The following ABL1 variants were observed in gnomAD, a reference collection of about 807,000 sequenced individuals.
The protein encoded by ABL1 is ABL proto-oncogene 1, non-receptor tyrosine kinase.
In ABL1, 11 loss-of-function variants were observed where a neutral mutation model predicts 94.7. The observed-to-expected ratio is 0.12, with a 90% confidence interval of 0.07 to 0.19. ABL1 has a LOEUF of 0.19. Among genes scored for constraint, ABL1 ranks in the 10% least tolerant of loss-of-function variants. The pLI is 1.00. For synonymous variants in ABL1, 656 were observed against 622.4 expected, an observed-to-expected ratio of 1.05 and a Z score of -0.80; for missense variants, 1,082 against 1,489.4, an observed-to-expected ratio of 0.73 and a Z score of 4.50.
chr9:130,714,219 C>G, exon 1 of ABL1: 1 of 1,202,334 alleles, frequency 8.3e-7, no homozygotes, highest in Non-Finnish European at 1.1e-6. Flanking sequence ...GGAGATGCAG[C>G]GAATGTGAAA....
intron 1 of ABL1, among the ~76,000 whole-genome samples, chr9:130,775,609 T>C (rs183127449): frequency 1.3e-5 from 2 of 152,036 alleles, no homozygotes; most frequent in Admixed American, 1.3e-4. Context: ...AATATAAGCC[T>C]ATAAGGAGAG....
chr9:130,773,115 G>T (rs1421197913), intron 1 of ABL1, among the ~76,000 whole-genome samples: 1 of 152,188 alleles, frequency 6.6e-6, no homozygotes, highest in Non-Finnish European at 1.5e-5. Flanking sequence ...GAGGTCAGGA[G>T]TTCAAGACCA....
chr9:130,811,618 T>C (rs1212814891), intron 1 of ABL1, among the ~76,000 whole-genome samples: 1 of 152,106 alleles, frequency 6.6e-6, no homozygotes, highest in Non-Finnish European at 1.5e-5. Flanking sequence ...AGCAGAGTTA[T>C]AGCTAATGAG....
At chr9:130,847,546 AAGCAAGT>A (rs1315381937) in intron 1 of ABL1, among the ~76,000 whole-genome samples, 1 of 152,242 alleles carries the variant, frequency 6.6e-6, no homozygotes, top group African/African-American at 2.4e-5. Flanking sequence ...CTATGAAATG[AAGCAAGT>A]AACTTGGCAT....
At position 130,884,461 on chromosome 9, in the gene ABL1, A is replaced by G. The variant is rs1435318617; in HGVS notation, c.2171A>G (p.His724Arg). 6.2e-7 allele frequency: 1 copy of G among 1,612,890 alleles called. No individual in the cohort carries two copies. The highest frequency in any genetic ancestry group is 8.5e-7 in the Non-Finnish European group (1 of 1,179,970). The change falls in exon 11 of 11, where the codon CAT becomes CGT. Residue 724 changes from histidine to arginine, a missense_variant. His to Arg is a conservative substitution (Grantham distance 29). Coordinates refer to ENST00000318560, the MANE Select transcript of ABL1 (RefSeq NM_005157.6). This position sits in a 1 kb window ranked among gnomAD's most constrained non-coding sequence, Gnocchi z 5.6. ...TCTTGCTCCGCCTCCTGCGTTCCCC[A>G]TGGGGCCAAGGACACGGAGTGGAGG... ...LRSCSASCVPHGAKDTEWRSV... is the reference protein window; with the variant it reads ...LRSCSASCVPRGAKDTEWRSV...
chr9:130,864,196 G>C (rs1037889434), intron 4 of ABL1, among the ~76,000 whole-genome samples: 1 of 152,142 alleles, frequency 6.6e-6, no homozygotes, highest in African/African-American at 2.4e-5. Context: ...CTGGGGTGGG[G>C]GCATGGTTTG....
intron 1 of ABL1, among the ~76,000 whole-genome samples, chr9:130,726,910 A>G (rs1588212090): frequency 6.6e-6 from 1 of 152,356 alleles, no homozygotes; most frequent in Non-Finnish European, 1.5e-5. Context: ...CTATCACATA[A>G]GTTCATCACA....
intron 1 of ABL1, among the ~76,000 whole-genome samples, chr9:130,728,156 C>T (rs1266453065): frequency 6.6e-6 from 1 of 151,484 alleles, no homozygotes; most frequent in Non-Finnish European, 1.5e-5. Context: ...CTCCGTCTCC[C>T]AGACTCAAGC....
chr9:130,782,705 A>T (rs1829771091), intron 1 of ABL1, among the ~76,000 whole-genome samples: 1 of 152,226 alleles, frequency 6.6e-6, no homozygotes, highest in Admixed American at 6.5e-5. Context: ...AGCATCTGTT[A>T]GCTGCTGCTG....
chr9:130,764,972 G>A (rs1460622796), intron 1 of ABL1, among the ~76,000 whole-genome samples: 1 of 151,156 alleles, frequency 6.6e-6, no homozygotes, highest in Admixed American at 6.6e-5. Flanking sequence ...AAAAAAAGAG[G>A]ATACAAGGGA....
At chr9:130,838,220 C>G (rs1198384857) in intron 1 of ABL1, among the ~76,000 whole-genome samples, 1 of 152,156 alleles carries the variant, frequency 6.6e-6, no homozygotes, top group African/African-American at 2.4e-5. Flanking sequence ...GGAATTTGAA[C>G]TCATGCTATC....
In ABL1 at chr9:130,872,216, G is replaced by T. The variant is rs749641081; in HGVS notation, c.907+3G>T. The T allele has an allele frequency of 1.9e-6, 3 of 1,613,360 alleles. No individual in the cohort carries two copies. Among genetic ancestry groups the T allele is most frequent in the Non-Finnish European group, 2.5e-6 (3 of 1,179,644 alleles). Reference sequence around the variant, plus strand: ...CCCTAACCTGGTGCAGCTCCTTGGTGAGTAAGCCCGGGGCTCTGAAGAGAG... The same window carrying T: ...CCCTAACCTGGTGCAGCTCCTTGGTTAGTAAGCCCGGGGCTCTGAAGAGAG... On this transcript the variant is annotated splice_donor_region_variant and intron_variant, in intron 5 of 10. Transcript: ENST00000318560. The surrounding 1 kb of genome is among the most constrained non-coding windows in gnomAD (Gnocchi z 5.0).
upstream of ABL1, among the ~76,000 whole-genome samples, chr9:130,833,134 C>A (rs1260076557): frequency 6.6e-6 from 1 of 152,048 alleles, no homozygotes; most frequent in South Asian, 2.1e-4. Context: ...AAGAACAGCA[C>A]AAGGCAAGCA....
chr9:130,747,273 G>C (rs966863061), intron 1 of ABL1, among the ~76,000 whole-genome samples: 9 of 152,178 alleles, frequency 5.9e-5, no homozygotes, highest in Non-Finnish European at 1.2e-4. Context: ...AGCTACATGG[G>C]AGGTTGAGGT....
At chr9:130,802,866 G>A (rs192576547) in intron 1 of ABL1, among the ~76,000 whole-genome samples, 1 of 152,190 alleles carries the variant, frequency 6.6e-6, no homozygotes, top group African/African-American at 2.4e-5. Flanking sequence ...GGTTTTCTTG[G>A]CTGGGTTTGA....
chr9:130,830,188 G>T (rs895612552), intron 1 of ABL1, among the ~76,000 whole-genome samples: 1 of 152,090 alleles, frequency 6.6e-6, no homozygotes, highest in Non-Finnish European at 1.5e-5. Context: ...TTAACAGTTA[G>T]GTTTAGACTT....
At position 130,872,152 on chromosome 9, in the gene ABL1, G is replaced by A. The variant is rs751729485; in HGVS notation, c.846G>A (p.Glu282=). The A allele has an allele frequency of 2.5e-6, 4 of 1,614,190 alleles. No homozygotes were observed. In the Admixed American group the frequency reaches 5.0e-5, roughly 20 times the overall value. ...TLKEDTMEVE[E]FLKEAAVMKE... is the part of the protein sequence containing the mutation. ...AGGAGGACACCATGGAGGTGGAAGA[G>A]TTCTTGAAAGAAGCTGCAGTCATGA... The change falls in exon 5 of 11, where the codon GAG becomes GAA. Residue 282 remains glutamate (E), a synonymous_variant. Transcript: ENST00000318560. This position sits in a 1 kb window ranked among gnomAD's most constrained non-coding sequence, Gnocchi z 5.0.
intron 1 of ABL1, among the ~76,000 whole-genome samples, chr9:130,721,875 G>A (rs1831519642): frequency 7.1e-6 from 1 of 140,018 alleles, no homozygotes; most frequent in South Asian, 2.3e-4. Context: ...AGACTGGAGT[G>A]CAGTGGCACA....
At chr9:130,766,802 T>A (rs998734837) in intron 1 of ABL1, among the ~76,000 whole-genome samples, 3 of 152,178 alleles carry the variant, frequency 2.0e-5, no homozygotes, top group African/African-American at 7.2e-5. Context: ...TCTCAAAGAC[T>A]TCCCAGCCTC....
Sources: gnomAD v4.1 joint callset for allele counts (sites outside exome capture counted in the v4.1 genomes callset) on GRCh38, gnomAD v4.1.1 for gene constraint, Gnocchi (gnomAD v3.1) non-coding constraint, MANE v1.5 for transcripts, NCBI Gene and HGNC (gene_info 2026-07-23, HGNC 2026-07-21) for gene names.